Variants in COL15A1 observed in about 807,000 individuals in gnomAD.
COL15A1 encodes the protein collagen type XV alpha 1 chain, also known as collagen alpha-1(XV) chain.
COL15A1 carries 111 observed loss-of-function variants against 165.9 expected under a neutral mutation model. The ratio of observed to expected loss-of-function variants is 0.67; its 90% confidence interval spans 0.57 to 0.78. The LOEUF (loss-of-function observed/expected upper bound fraction) is 0.78. Among genes scored for constraint, COL15A1 ranks in the 30% least tolerant of loss-of-function variants. The pLI is 0.00. For missense variants in COL15A1, 1,745 were observed against 1,789.7 expected (o/e 0.98, Z 0.45); for synonymous variants, 659 against 674.8 (o/e 0.98, Z 0.36).
At chr9:98,993,107 G>A (rs995617222) in intron 5 of COL15A1, among the ~76,000 whole-genome samples, 1 of 152,176 alleles carries the variant, frequency 6.6e-6, no homozygotes, top group African/African-American at 2.4e-5. Context: ...TTGACCTTGA[G>A]CAAGTGACTT....
At chr9:98,999,856 CGT>C (rs1491433135) in intron 6 of COL15A1, among the ~76,000 whole-genome samples, 2 of 124,686 alleles carry the variant, frequency 1.6e-5, no homozygotes, top group African/African-American at 3.5e-5. Context: ...AATCCATTTG[CGT>C]TTTTTTTTTT....
rs1295766666 is a variant in COL15A1, at chr9:99,044,766, CA to C, written c.2677del (p.Met893TrpfsTer24). 6.2e-7 allele frequency: 1 copy of C among 1,613,178 alleles called. No individual in the cohort carries two copies. ...CCTGGAATGCATGGAGCCCCAGGAC[CA>C]ATGGTAAGTCAGAGCGTCTCTCAGC... Reference protein sequence around the residue: ...GEPGMHGAPGPMGPKGPPGHK... With the variant: ...GEPGMHGAPGXMGPKGPPGHK... On this transcript the variant is annotated frameshift_variant, in exon 26 of 42. Coordinates refer to ENST00000375001, the MANE Select transcript of COL15A1 (RefSeq NM_001855.5). LOFTEE classifies it high-confidence loss of function.
chr9:99,035,568 G>T (rs1415137904), intron 19 of COL15A1, 150 bp downstream of exon 19: 3 of 879,476 alleles, frequency 3.4e-6, no homozygotes, highest in African/African-American at 3.4e-5. Flanking sequence ...GAAATGAGAT[G>T]CTCTTTACAG....
Position 99,062,031 on chromosome 9 carries a change from A to G in COL15A1, c.3463A>G (p.Thr1155Ala), listed in dbSNP as rs141458297. 1.1e-5 allele frequency: 17 copies of G among 1,613,924 alleles called. No homozygotes were observed. In the African/African-American group the frequency reaches 2.1e-4, roughly 20 times the overall value. ...LQKAHLVIEGTFIYLRDSTEF... is the reference protein window; with the variant it reads ...LQKAHLVIEGAFIYLRDSTEF... The stretch of plus-strand genomic sequence containing the variant: ...GAAAGCGCATTTGGTTATAGAAGGA[A>G]CATTCATCTACCTGAGGGACAGCAC... Residue 1155 changes from threonine to alanine, a missense_variant, in exon 37 of 42, where the codon ACA becomes GCA. Transcript: ENST00000375001.
intron 11 of COL15A1, among the ~76,000 whole-genome samples, chr9:99,018,621 T>G (rs747686107): frequency 4.3e-4 from 65 of 152,322 alleles, no homozygotes; most frequent in Admixed American, 2.0e-3. Context: ...CATAATTTAA[T>G]TAGCCAACAA....
intron 5 of COL15A1, among the ~76,000 whole-genome samples, chr9:98,993,321 G>A (rs1371300390): frequency 2.0e-5 from 3 of 152,202 alleles, no homozygotes; most frequent in Admixed American, 1.3e-4. Context: ...ACTCAGCACC[G>A]GGCATAGTAC....
intron 30 of COL15A1, 27 bp from the exon 31 acceptor site, chr9:99,052,361 C>G: frequency 6.3e-7 from 1 of 1,594,396 alleles, no homozygotes; most frequent in Non-Finnish European, 8.6e-7. Flanking sequence ...GCTTGCAGTG[C>G]CTAACCTGGC....
rs75226293 is a variant in COL15A1 at position 99,042,618 on chromosome 9, A to G, written c.2574+511A>G. Among the ~76,000 whole-genome samples, 746 of 152,356 alleles carry G rather than the reference A, an allele frequency of 4.9e-3. 5 individuals are homozygous for G. Among genetic ancestry groups the G allele is most frequent in the African/African-American group, 0.017 (717 of 41,576 alleles). ...GGGGCCTGGTATACAAATGGTACTG[A>G]ATACACTTGTTGGACGAAAGCATGT... On this transcript the variant is annotated intron_variant, in intron 24 of 41. Coordinates refer to ENST00000375001, the MANE Select transcript of COL15A1 (RefSeq NM_001855.5).
intron 26 of COL15A1, 45 bp downstream of exon 26, chr9:99,044,815 G>C: frequency 6.4e-7 from 1 of 1,565,192 alleles, no homozygotes; most frequent in Non-Finnish European, 8.8e-7. Context: ...GGGGTTTGAA[G>C]CATTTTTCAT....
At chr9:99,051,420 G>A (rs74520233) in intron 30 of COL15A1, among the ~76,000 whole-genome samples, 2,087 of 152,202 alleles carry the variant, frequency 0.014, 95 homozygotes, top group South Asian at 0.12. Context: ...GGTCATAGAC[G>A]TTTCTTGTCC....
rs1341565278 is a variant in COL15A1, at chr9:99,015,570, AGTGTCATCTT to A, written c.1503+10_1503+19del. On this transcript the variant is annotated splice_donor_5th_base_variant and intron_variant, in intron 10 of 41. Coordinates refer to ENST00000375001, the MANE Select transcript of COL15A1 (RefSeq NM_001855.5). ...CCCTGAGCGGGCAGTCACTTCTGTA[AGTGTCATCTT>A]GTGTCCTCTCTGGCTCACAGGGGAG... 4 of 1,613,272 alleles carry A rather than the reference AGTGTCATCTT, an allele frequency of 2.5e-6. No homozygotes were observed. The highest frequency in any genetic ancestry group is 3.4e-6 in the Non-Finnish European group (4 of 1,179,598).
At chr9:99,048,180 G>T (rs1349955171) in intron 28 of COL15A1, among the ~76,000 whole-genome samples, 180 bp downstream of exon 28, 1 of 152,176 alleles carries the variant, frequency 6.6e-6, no homozygotes, top group Admixed American at 6.5e-5. Context: ...GGAGGGTCCT[G>T]CCACCTAAAA....
Position 99,062,271 on chromosome 9 carries a change from C to T in COL15A1, c.3558C>T (p.Ala1186=), listed in dbSNP as rs753293203. ...LQLGELIPIP[A]DSPPPPALSS... is the part of the protein sequence containing the mutation. The stretch of plus-strand genomic sequence containing the variant: ...TGGGAGAACTGATCCCCATTCCTGC[C>T]GACAGCCCTCCACCCCCTGCGCTTT... The change falls in exon 38 of 42, where the codon GCC becomes GCT. Residue 1186 remains alanine (A), a synonymous_variant. Coordinates refer to ENST00000375001, the MANE Select transcript of COL15A1 (RefSeq NM_001855.5). 59 of 1,613,524 alleles carry T rather than the reference C, an allele frequency of 3.7e-5. 1 individual carries two copies. The highest frequency in any genetic ancestry group is 6.7e-5 in the Admixed American group (4 of 59,990).
rs143003736 is a variant in COL15A1, at chr9:99,054,620, G to C, written c.2995G>C (p.Gly999Arg). The change falls in exon 32 of 42, where the codon GGA becomes CGA. Residue 999 changes from glycine (G) to arginine (R), a missense_variant. Gly to Arg is a moderately radical substitution (Grantham distance 125, BLOSUM62 -2). Coordinates refer to ENST00000375001, the MANE Select transcript of COL15A1 (RefSeq NM_001855.5). ...KGSWGLPGSKGEKGDQGAQGP... is the reference protein window; with the variant it reads ...KGSWGLPGSKREKGDQGAQGP... ...ATCCTGGGGTCTTCCTGGCTCAAAGGGAGAAAAAGGCGACCAGGGAGCCCA... is the reference window on the plus strand; with the variant it reads ...ATCCTGGGGTCTTCCTGGCTCAAAGCGAGAAAAAGGCGACCAGGGAGCCCA... 1.2e-6 allele frequency: 2 copies of C among 1,613,268 alleles called. No homozygotes were observed. Among genetic ancestry groups the C allele is most frequent in the African/African-American group, 2.7e-5 (2 of 74,806 alleles).
At chr9:98,950,389 A>C (rs1357125789) in intron 2 of COL15A1, among the ~76,000 whole-genome samples, 1 of 152,180 alleles carries the variant, frequency 6.6e-6, no homozygotes, top group Non-Finnish European at 1.5e-5. Context: ...TGGATATAAA[A>C]TGGCATCTCA....
At chr9:99,015,089 A>G (rs1035891487) in intron 9 of COL15A1, among the ~76,000 whole-genome samples, 2 of 152,156 alleles carry the variant, frequency 1.3e-5, no homozygotes, top group Non-Finnish European at 2.9e-5. Flanking sequence ...GATTTGCCCT[A>G]AGTAGTTCCC....
intron 11 of COL15A1, 143 bp from the exon 12 acceptor site, chr9:99,020,246 A>C: frequency 1.5e-6 from 1 of 660,292 alleles, no homozygotes; most frequent in Non-Finnish European, 2.8e-6. Context: ...CTCTCTCTTC[A>C]TGGGGCTCAC....
chr9:99,015,618 A>C (rs947929955), intron 10 of COL15A1, 52 bp downstream of exon 10: 2 of 1,560,892 alleles, frequency 1.3e-6, no homozygotes, highest in East Asian at 4.5e-5. Context: ...ACAGGTCTGC[A>C]TCATGCGACA....
intron 35 of COL15A1, among the ~76,000 whole-genome samples, chr9:99,058,269 A>G (rs1825758236): frequency 3.3e-5 from 5 of 152,230 alleles, no homozygotes; most frequent in Admixed American, 3.3e-4. Flanking sequence ...GATGGGCCTG[A>G]CTTGGGTGAG....
Sources: gnomAD v4.1 joint callset for allele counts (sites outside exome capture counted in the v4.1 genomes callset) on GRCh38, gnomAD v4.1.1 for gene constraint, MANE v1.5 for transcripts, NCBI Gene and HGNC (gene_info 2026-07-23, HGNC 2026-07-21) for gene names.